The following CDH9 variants were observed in gnomAD, a reference collection of about 807,000 sequenced individuals.
CDH9 encodes cadherin 9, also known as cadherin-9.
A neutral mutation model predicts 70.9 loss-of-function variants in CDH9; 28 were observed. That is an observed-to-expected ratio of 0.40 (90% CI 0.29 to 0.54). The LOEUF (loss-of-function observed/expected upper bound fraction) is 0.54. Ranked by LOEUF, CDH9 falls within the 20% of genes least tolerant of loss-of-function variation. The pLI is 0.59. For missense variants in CDH9, 874 were observed against 984.4 expected, an observed-to-expected ratio of 0.89 and a Z score of 1.50; for synonymous variants, 409 against 343.1, an observed-to-expected ratio of 1.19 and a Z score of -2.12.
intron 3 of CDH9, among the ~76,000 whole-genome samples, chr5:26,907,772 T>TTAA (rs1740976121): frequency 6.6e-6 from 1 of 152,090 alleles, no homozygotes; most frequent in African/African-American, 2.4e-5. Context: ...CAAAGCTAGA[T>TTAA]TGTAGGACAT....
At position 26,906,254 on chromosome 5, in the gene CDH9, T is replaced by C; in HGVS notation, c.644-128A>G. On this transcript the variant is annotated intron_variant, in intron 4 of 11. Transcript: ENST00000231021. The stretch of plus-strand genomic sequence containing the variant: ...ATGTCAGTGTATTTAAATATGTCCT[T>C]CAATCCATAACCACTTTAAGATAAT... 4.3e-6 allele frequency: 3 copies of C among 703,406 alleles called. No homozygotes were observed. The South Asian group carries it at 5.8e-5, about 14-fold the overall frequency. The allele number at this position is 703,406 out of a possible 1,614,324, so 43.6% of individuals were successfully genotyped here.
chr5:26,891,015 C>A (rs113758465), intron 7 of CDH9, among the ~76,000 whole-genome samples: 1 of 152,128 alleles, frequency 6.6e-6, no homozygotes, highest in Admixed American at 6.5e-5. Context: ...TAAAATACAT[C>A]GCTCTTGAAT....
intron 1 of CDH9, among the ~76,000 whole-genome samples, chr5:27,026,852 A>G (rs139580876): frequency 6.6e-6 from 1 of 152,026 alleles, no homozygotes; most frequent in Non-Finnish European, 1.5e-5. Flanking sequence ...GCAAGTATGC[A>G]ATCATTATTA....
intron 2 of CDH9, among the ~76,000 whole-genome samples, chr5:26,968,316 T>A (rs1254300579): frequency 6.6e-6 from 1 of 151,920 alleles, no homozygotes; most frequent in Non-Finnish European, 1.5e-5. Context: ...GACAGAGTCT[T>A]GCTCTGTTGC....
At chr5:26,891,461 T>A (rs1740658511) in intron 7 of CDH9, among the ~76,000 whole-genome samples, 1 of 152,102 alleles carries the variant, frequency 6.6e-6, no homozygotes, top group African/African-American at 2.4e-5. Flanking sequence ...GTGGATCATC[T>A]GAAGTCAGGA....
chr5:26,881,944 T>C lies in CDH9; in HGVS notation c.1883-321A>G, dbSNP rs117186503. Among the ~76,000 whole-genome samples, 188 of 152,220 alleles carry C rather than the reference T, an allele frequency of 1.2e-3. No homozygotes were observed. The East Asian group carries it at 0.02, about 16-fold the overall frequency. Reference sequence around the variant, plus strand: ...AGCAGTCTTTCCAAATGTGCACTCATTTCAAATACAAAAACACTAAAGCTC... The same window carrying C: ...AGCAGTCTTTCCAAATGTGCACTCACTTCAAATACAAAAACACTAAAGCTC... On this transcript the variant is annotated intron_variant, in intron 11 of 11. Coordinates refer to ENST00000231021, the MANE Select transcript of CDH9 (RefSeq NM_016279.4).
chr5:27,002,783 G>A (rs1742793613), intron 1 of CDH9, among the ~76,000 whole-genome samples: 1 of 151,928 alleles, frequency 6.6e-6, no homozygotes, highest in South Asian at 2.1e-4. Context: ...GGTTGGGGGA[G>A]GGGGAGGGAT....
chr5:26,922,778 A>T (rs1318977059), intron 2 of CDH9, among the ~76,000 whole-genome samples: 1 of 152,010 alleles, frequency 6.6e-6, no homozygotes, highest in African/African-American at 2.4e-5. Flanking sequence ...ACCAATTAAA[A>T]ATAACTACAA....
At chr5:26,996,437 G>A (rs1742666700) in intron 1 of CDH9, among the ~76,000 whole-genome samples, 1 of 151,870 alleles carries the variant, frequency 6.6e-6, no homozygotes. Context: ...TATGTTGTTT[G>A]ATTCCTAGAT....
rs533062294 is a variant in CDH9, at chr5:27,032,253, T to G, written c.-50+6210A>C. Among the ~76,000 whole-genome samples the G allele has an allele frequency of 2.1e-3, 316 of 151,692 alleles. 2 individuals carry two copies. Among genetic ancestry groups the G allele is most frequent in the Middle Eastern group, 6.8e-3 (2 of 294 alleles). On this transcript the variant is annotated intron_variant, in intron 1 of 11. Coordinates refer to ENST00000231021, the MANE Select transcript of CDH9 (RefSeq NM_016279.4). Reference sequence around the variant, plus strand: ...ATTTTAAACTAAAGTTCATTATAATTATAAAGATAAATATATTTATTACAA... The same window carrying G: ...ATTTTAAACTAAAGTTCATTATAATGATAAAGATAAATATATTTATTACAA...
At chr5:26,968,357 C>T (rs2112070005) in intron 2 of CDH9, among the ~76,000 whole-genome samples, 1 of 152,136 alleles carries the variant, frequency 6.6e-6, no homozygotes, top group African/African-American at 2.4e-5. Flanking sequence ...GCAATCTCGG[C>T]TCACTGCAAC....
intron 1 of CDH9, among the ~76,000 whole-genome samples, chr5:27,028,031 AT>A (rs1743249781): frequency 6.6e-6 from 1 of 152,074 alleles, no homozygotes; most frequent in Admixed American, 6.6e-5. Context: ...AGTTTTGACT[AT>A]TTAAAATGTA....
At chr5:26,901,821 T>C (rs1740859167) in intron 7 of CDH9, among the ~76,000 whole-genome samples, 1 of 151,882 alleles carries the variant, frequency 6.6e-6, no homozygotes, top group African/African-American at 2.4e-5. Flanking sequence ...TGAAAACTAT[T>C]CAAAATTTGG....
chr5:26,983,400 C>T (rs376891417), intron 2 of CDH9, among the ~76,000 whole-genome samples: 1 of 151,978 alleles, frequency 6.6e-6, no homozygotes, highest in Non-Finnish European at 1.5e-5. Flanking sequence ...CTGATCATTA[C>T]AAAAATAAGT....
intron 1 of CDH9, among the ~76,000 whole-genome samples, chr5:27,009,684 CT>C (rs1742924581): frequency 6.6e-6 from 1 of 152,062 alleles, no homozygotes; most frequent in Admixed American, 6.6e-5. Context: ...ATTGATGGCC[CT>C]GAGGTTATTT....
intron 2 of CDH9, among the ~76,000 whole-genome samples, chr5:26,980,300 C>CT (rs541126619): frequency 6.6e-6 from 1 of 151,690 alleles, no homozygotes; most frequent in Non-Finnish European, 1.5e-5. Flanking sequence ...TTATTGAACA[C>CT]TTTTTTTATG....
chr5:26,892,851 C>G (rs891853755), intron 7 of CDH9, among the ~76,000 whole-genome samples: 1 of 152,134 alleles, frequency 6.6e-6, no homozygotes, highest in African/African-American at 2.4e-5. Flanking sequence ...CTGCCTCAGC[C>G]TCCCGAGTAG....
intron 1 of CDH9, among the ~76,000 whole-genome samples, chr5:27,022,689 A>G (rs1221733851): frequency 6.6e-6 from 1 of 152,130 alleles, no homozygotes; most frequent in East Asian, 1.9e-4. Context: ...GTAAACGAAT[A>G]CATTTCTGAA....
chr5:27,019,925 T>C (rs1743109042), intron 1 of CDH9, among the ~76,000 whole-genome samples: 1 of 151,866 alleles, frequency 6.6e-6, no homozygotes, highest in Non-Finnish European at 1.5e-5. Flanking sequence ...CAAACAATGA[T>C]TGCAATTTGA....
Sources: allele counts gnomAD v4.1 joint callset (sites outside exome capture counted in the v4.1 genomes callset), GRCh38; gene constraint gnomAD v4.1.1; transcripts MANE v1.5; gene names NCBI Gene and HGNC (gene_info 2026-07-23, HGNC 2026-07-21).